SH3PXD2B: variants seen among roughly 807,000 people sequenced by gnomAD.
SH3PXD2B encodes the protein SH3 and PX domain-containing protein 2B.
Under a neutral mutation model 73.1 loss-of-function variants are expected in SH3PXD2B, and 37 were observed. That is an observed-to-expected ratio of 0.51 (90% CI 0.39 to 0.67). The LOEUF is 0.67. Among genes scored for constraint, SH3PXD2B ranks in the 30% least tolerant of loss-of-function variants. SH3PXD2B has a pLI of 0.00. For synonymous variants in SH3PXD2B, 457 were observed against 480.5 expected, an observed-to-expected ratio of 0.95 and a Z score of 0.64; for missense variants, 1,053 against 1,197.8, an observed-to-expected ratio of 0.88 and a Z score of 1.78.
chr5:172,413,345 C>T (rs938590588), intron 2 of SH3PXD2B, among the ~76,000 whole-genome samples: 1 of 152,204 alleles, frequency 6.6e-6, no homozygotes, highest in African/African-American at 2.4e-5. Flanking sequence ...TCCTGATGGA[C>T]GTGCTGCACG....
intron 3 of SH3PXD2B, among the ~76,000 whole-genome samples, chr5:172,397,187 A>G (rs1268414782): frequency 1.3e-5 from 2 of 152,134 alleles, no homozygotes; most frequent in Non-Finnish European, 2.9e-5. Context: ...TTATGGTTGC[A>G]GATAAGGGAT....
At position 172,336,679 on chromosome 5, in the gene SH3PXD2B, CTG is replaced by C; in HGVS notation, c.*1688_*1689del. On this transcript the variant is annotated 3_prime_UTR_variant, in exon 13 of 13. Transcript: ENST00000311601. ...GATGAACACTGTGAACTGGAGATCT[CTG>C]GGGCAGGGCAGGGTGGGGAGGGGCG... 1 of 390,808 alleles carries C rather than the reference CTG, an allele frequency of 2.6e-6. No homozygotes were observed. Among genetic ancestry groups the C allele is most frequent in the Non-Finnish European group, 3.2e-6 (1 of 312,982 alleles). 24.2% of individuals were successfully genotyped at this position (390,808 alleles called of 1,614,324 possible). A position where few individuals can be genotyped will look rare whatever the true frequency, so the allele number is the denominator to read the frequency against.
At chr5:172,393,212 C>G (rs1339031005) in intron 4 of SH3PXD2B, among the ~76,000 whole-genome samples, 1 of 152,172 alleles carries the variant, frequency 6.6e-6, no homozygotes, top group Non-Finnish European at 1.5e-5. Flanking sequence ...GAATATCTCT[C>G]CATGCATTTA....
At chr5:172,432,688 A>G (rs971280981) in intron 1 of SH3PXD2B, among the ~76,000 whole-genome samples, 5 of 152,148 alleles carry the variant, frequency 3.3e-5, no homozygotes, top group Admixed American at 3.3e-4. Context: ...AGGCCGAGGC[A>G]GATGGATCAC....
At chr5:172,354,072 G>C in intron 8 of SH3PXD2B, 67 bp from the exon 9 acceptor site, 1 of 1,438,214 alleles carries the variant, frequency 7.0e-7, no homozygotes. Context: ...CGTAATCCCC[G>C]TGATGCCCTT....
At position 172,339,728 on chromosome 5, in the gene SH3PXD2B, C is replaced by G. The variant is rs150334817; in HGVS notation, c.1377G>C (p.Thr459=). Residue 459 remains threonine (T), a synonymous_variant, in exon 13 of 13, where the codon ACG becomes ACC. Coordinates refer to ENST00000311601, the MANE Select transcript of SH3PXD2B (RefSeq NM_001017995.3). This position sits in a 1 kb window ranked among gnomAD's most constrained non-coding sequence, Gnocchi z 6.1. ...LGEAAALENN[T]GSEATGPSRP... is the part of the protein sequence containing the mutation. The stretch of plus-strand genomic sequence containing the variant: ...GGGAGGGGCCCGTGGCTTCGCTGCC[C>G]GTGTTGTTCTCCAGCGCTGCTGCTT... 2 of 1,614,086 alleles carry G rather than the reference C, an allele frequency of 1.2e-6. No individual in the cohort carries two copies. Among genetic ancestry groups the G allele is most frequent in the Non-Finnish European group, 1.7e-6 (2 of 1,179,936 alleles).
chr5:172,385,023 G>C (rs1252315401), intron 4 of SH3PXD2B, among the ~76,000 whole-genome samples: 1 of 152,112 alleles, frequency 6.6e-6, no homozygotes, highest in Non-Finnish European at 1.5e-5. Flanking sequence ...TTGAATCAGG[G>C]AGTCCCAGAG....
chr5:172,367,255 T>C (rs574821084), intron 6 of SH3PXD2B, among the ~76,000 whole-genome samples: 142 of 149,252 alleles, frequency 9.5e-4, no homozygotes, highest in African/African-American at 3.2e-3. Context: ...GTTTTCAATA[T>C]AGCAGCTAGA....
At chr5:172,376,517 A>C (rs758995472) in intron 5 of SH3PXD2B, among the ~76,000 whole-genome samples, 2 of 152,202 alleles carry the variant, frequency 1.3e-5, no homozygotes, top group Non-Finnish European at 2.9e-5. Context: ...CCACCATGTA[A>C]TAATGCTTCA....
chr5:172,334,691 T>C lies in SH3PXD2B; in HGVS notation c.*3678A>G, dbSNP rs1347709179. The C allele has an allele frequency of 3.0e-6, 3 of 985,448 alleles. No homozygotes were observed. Among genetic ancestry groups the C allele is most frequent in the South Asian group, 9.4e-5 (2 of 21,292 alleles). 61.0% of individuals were successfully genotyped at this position (985,448 alleles called of 1,614,324 possible). A position where few individuals can be genotyped will look rare whatever the true frequency, so the allele number is the denominator to read the frequency against. On this transcript the variant is annotated 3_prime_UTR_variant, in exon 13 of 13. Transcript: ENST00000311601. ...TTCTTGATGTCAAGTTGCCAGCTAC[T>C]GGAAGGCAGGAGCAGTTTCTTCTTT... is the stretch of plus-strand genomic sequence containing the variant.
intron 12 of SH3PXD2B, among the ~76,000 whole-genome samples, chr5:172,326,877 G>A (rs1277904190): frequency 7.3e-5 from 9 of 123,064 alleles, no homozygotes; most frequent in African/African-American, 2.6e-4. Context: ...TTTTTTTTGC[G>A]ACAGAGTCTC....
intron 7 of SH3PXD2B, 103 bp from the exon 8 acceptor site, chr5:172,358,980 G>C (rs994357112): frequency 4.6e-6 from 5 of 1,097,816 alleles, no homozygotes; most frequent in Non-Finnish European, 5.4e-6. Flanking sequence ...AATGCACAGG[G>C]TAAGGCTAAA....
At chr5:172,406,741 T>C (rs373979806) in intron 2 of SH3PXD2B, among the ~76,000 whole-genome samples, 2 of 152,264 alleles carry the variant, frequency 1.3e-5, no homozygotes, top group South Asian at 4.2e-4. Flanking sequence ...ATCCAATCAA[T>C]GTGGTTCGGT....
rs1305491731 is a variant in SH3PXD2B at position 172,336,252 on chromosome 5, A to G, written c.*2117T>C. The G allele has an allele frequency of 2.0e-6, 2 of 985,382 alleles. No individual in the cohort carries two copies. The highest frequency in any genetic ancestry group is 2.4e-6 in the Non-Finnish European group (2 of 829,958). The allele number at this position is 985,382 out of a possible 1,614,324, so 61.0% of individuals were successfully genotyped here. ...CAGTCAAATCTCACATAGCTTCACA[A>G]AAGTTGTTTAAACCAAAGTGGATCA... is the stretch of plus-strand genomic sequence containing the variant. On this transcript the variant is annotated 3_prime_UTR_variant, in exon 13 of 13. Coordinates refer to ENST00000311601, the MANE Select transcript of SH3PXD2B (RefSeq NM_001017995.3).
chr5:172,449,911 G>C (rs956345061), intron 1 of SH3PXD2B, among the ~76,000 whole-genome samples: 5 of 152,142 alleles, frequency 3.3e-5, no homozygotes, highest in African/African-American at 1.2e-4. Flanking sequence ...CATAGTAAGC[G>C]ACAGTTAAAA....
intron 5 of SH3PXD2B, among the ~76,000 whole-genome samples, chr5:172,379,147 T>C (rs917515984): frequency 2.7e-5 from 4 of 149,070 alleles, no homozygotes; most frequent in Admixed American, 2.0e-4. Flanking sequence ...CCCAGTGTGA[T>C]GGTGCTTGGA....
chr5:172,447,073 C>T (rs1479219532), intron 1 of SH3PXD2B, among the ~76,000 whole-genome samples: 1 of 152,090 alleles, frequency 6.6e-6, no homozygotes. Flanking sequence ...GCTGGAGCTG[C>T]CCCAGCTTGA....
chr5:172,333,443 G>T, downstream of SH3PXD2B: 1 of 1,022,348 alleles, frequency 9.8e-7, no homozygotes, highest in Non-Finnish European at 1.2e-6. Flanking sequence ...GAAGATCCCA[G>T]GCCACAAAGC....
chr5:172,337,284 C>T lies in SH3PXD2B; in HGVS notation c.*1085G>A. 1.0e-6 allele frequency: 1 copy of T among 985,688 alleles called. No homozygotes were observed. Among genetic ancestry groups the T allele is most frequent in the Non-Finnish European group, 1.2e-6 (1 of 830,104 alleles). 61.1% of individuals were successfully genotyped at this position (985,688 alleles called of 1,614,324 possible). Reference sequence around the variant, plus strand: ...AGCCACTTGGCCACCACTTAGCCAGCTTCTATCTCTTCCCTGCCTGGTTTG... The same window carrying T: ...AGCCACTTGGCCACCACTTAGCCAGTTTCTATCTCTTCCCTGCCTGGTTTG... On this transcript the variant is annotated 3_prime_UTR_variant, in exon 13 of 13. Transcript: ENST00000311601.
Sources: allele counts gnomAD v4.1 joint callset (sites outside exome capture counted in the v4.1 genomes callset), GRCh38; gene constraint gnomAD v4.1.1; non-coding constraint Gnocchi (gnomAD v3.1); transcripts MANE v1.5; gene names NCBI Gene and HGNC (gene_info 2026-07-23, HGNC 2026-07-21).